The following REPS1 variants were observed in gnomAD, a reference collection of about 807,000 sequenced individuals.
REPS1 encodes ralBP1-associated Eps domain-containing protein 1.
In REPS1, 39 loss-of-function variants were observed where a neutral mutation model predicts 100.9. The ratio of observed to expected loss-of-function variants is 0.39; its 90% confidence interval spans 0.30 to 0.50. REPS1 has a LOEUF of 0.50. Ranked by LOEUF, REPS1 falls within the 20% of genes least tolerant of loss-of-function variation. The probability of loss-of-function intolerance (pLI) is 0.86; values close to 1 mark genes in which losing one functional copy is unlikely to be tolerated. For synonymous variants in REPS1, 324 were observed against 340.3 expected, an observed-to-expected ratio of 0.95 and a Z score of 0.53; for missense variants, 821 against 968.5, an observed-to-expected ratio of 0.85 and a Z score of 2.02.
At chr6:138,914,966 C>G in intron 14 of REPS1, 1 of 546,592 alleles carries the variant, frequency 1.8e-6, no homozygotes, top group South Asian at 2.4e-5. Flanking sequence ...CACTTTGCTT[C>G]TTACCTCTAT....
intron 9 of REPS1, 198 bp downstream of exon 9, chr6:138,929,779 G>A (rs1374519412): frequency 2.2e-6 from 1 of 447,514 alleles, no homozygotes; most frequent in Non-Finnish European, 3.9e-6. Flanking sequence ...GGGATAAGTG[G>A]TGGAAATCAA....
At chr6:138,956,498 T>C (rs1318122842) in intron 1 of REPS1, among the ~76,000 whole-genome samples, 1 of 151,734 alleles carries the variant, frequency 6.6e-6, no homozygotes, top group Non-Finnish European at 1.5e-5. Context: ...CTGGATGGCA[T>C]ACCTAAAAGA....
At position 138,987,856 on chromosome 6, in the gene REPS1, G is replaced by A. The variant is rs967784991; in HGVS notation, c.-174C>T. The A allele has an allele frequency of 4.4e-6, 3 of 675,898 alleles. No homozygotes were observed. Among genetic ancestry groups the A allele is most frequent in the East Asian group, 3.5e-5 (1 of 28,696 alleles). The allele number at this position is 675,898 out of a possible 1,614,324, so 41.9% of individuals were successfully genotyped here. On this transcript the variant is annotated 5_prime_UTR_variant, in exon 1 of 20. Coordinates refer to ENST00000450536, the MANE Select transcript of REPS1 (RefSeq NM_001286611.2). The stretch of plus-strand genomic sequence containing the variant: ...CCGAGCAACAGGGCCCGGAGGTCGC[G>A]AGGAGGGGGCCCGGCTGCGCTCGCC...
intron 19 of REPS1, 119 bp from the exon 20 acceptor site, chr6:138,905,251 T>C: frequency 1.6e-6 from 1 of 630,460 alleles, no homozygotes; most frequent in Non-Finnish European, 2.8e-6. Flanking sequence ...AGGGAGAGCT[T>C]ATTCATATTT....
At chr6:138,965,861 CTTGA>C (rs1783988803) in intron 1 of REPS1, among the ~76,000 whole-genome samples, 1 of 152,136 alleles carries the variant, frequency 6.6e-6, no homozygotes, top group Non-Finnish European at 1.5e-5. Flanking sequence ...TACATTGAAA[CTTGA>C]TTATTCCAGA....
Position 138,988,100 on chromosome 6 carries a change from A to G in REPS1, c.-418T>C. The G allele has an allele frequency of 2.5e-6, 1 of 397,866 alleles. No homozygotes were observed. Among genetic ancestry groups the G allele is most frequent in the Non-Finnish European group, 4.4e-6 (1 of 225,626 alleles). 24.6% of individuals were successfully genotyped at this position (397,866 alleles called of 1,614,324 possible). A position where few individuals can be genotyped will look rare whatever the true frequency, so the allele number is the denominator to read the frequency against. On this transcript the variant is annotated 5_prime_UTR_variant, in exon 1 of 20. Coordinates refer to ENST00000450536, the MANE Select transcript of REPS1 (RefSeq NM_001286611.2). ...CCCGCCTCGGCTTCCCCTTCCGTCC[A>G]CGCCTCCGGAGCGGCAGCGCTTCCC...
chr6:138,916,220 T>A, intron 13 of REPS1: 1 of 96,322 alleles, frequency 1.0e-5, no homozygotes, highest in Non-Finnish European at 1.9e-5. Context: ...CTTTTTTTCT[T>A]TTTTTTTTTT....
chr6:138,964,168 A>G (rs1158851541), intron 1 of REPS1, among the ~76,000 whole-genome samples: 1 of 151,874 alleles, frequency 6.6e-6, no homozygotes. Flanking sequence ...CCTACCTGCC[A>G]TGATTTTATC....
chr6:138,977,688 T>C (rs1784674547), intron 1 of REPS1, among the ~76,000 whole-genome samples: 1 of 152,258 alleles, frequency 6.6e-6, no homozygotes, highest in Non-Finnish European at 1.5e-5. Context: ...TTTTGACTAT[T>C]GTGAATAATG....
chr6:138,953,738 T>C (rs9399262), intron 1 of REPS1, among the ~76,000 whole-genome samples: 28,018 of 151,714 alleles, frequency 0.18, 2,784 homozygotes, highest in East Asian at 0.33. Context: ...TCATATACTT[T>C]TGGTGGGAAT....
intron 2 of REPS1, 118 bp from the exon 3 acceptor site, chr6:138,945,815 G>A: frequency 1.3e-6 from 1 of 793,454 alleles, no homozygotes. Flanking sequence ...GAAACAAGAG[G>A]CACAAAATGT....
intron 1 of REPS1, among the ~76,000 whole-genome samples, chr6:138,977,515 A>T (rs1784662878): frequency 6.6e-6 from 1 of 152,122 alleles, no homozygotes; most frequent in African/African-American, 2.4e-5. Flanking sequence ...TTATTTATTA[A>T]TTTTTTGGGA....
At chr6:138,917,850 A>G (rs1358842320) in intron 12 of REPS1, among the ~76,000 whole-genome samples, 1 of 152,244 alleles carries the variant, frequency 6.6e-6, no homozygotes. Context: ...TCTAGAAAAA[A>G]TAATGAATAC....
intron 16 of REPS1, among the ~76,000 whole-genome samples, chr6:138,912,392 A>C (rs1780069523): frequency 6.6e-6 from 1 of 152,240 alleles, no homozygotes; most frequent in Non-Finnish European, 1.5e-5. Flanking sequence ...ACATATAGTG[A>C]AATTCCCCTT....
intron 10 of REPS1, among the ~76,000 whole-genome samples, chr6:138,925,750 A>T (rs547372160): frequency 2.6e-5 from 4 of 152,338 alleles, no homozygotes; most frequent in African/African-American, 9.6e-5. Flanking sequence ...GGTTTTCAAA[A>T]AACCCAAGGG....
At chr6:138,911,702 T>G in intron 16 of REPS1, among the ~76,000 whole-genome samples, 1 of 144,572 alleles carries the variant, frequency 6.9e-6, no homozygotes, top group South Asian at 2.2e-4. Flanking sequence ...GTAATAGATG[T>G]GTGAGGGAGA....
intron 1 of REPS1, among the ~76,000 whole-genome samples, chr6:138,977,610 T>A (rs1784669639): frequency 6.6e-6 from 1 of 152,226 alleles, no homozygotes; most frequent in East Asian, 1.9e-4. Context: ...TCTTTTTTAT[T>A]GCAGAATAGT....
chr6:138,964,480 T>TA (rs1783906726), intron 1 of REPS1, among the ~76,000 whole-genome samples: 1 of 152,146 alleles, frequency 6.6e-6, no homozygotes, highest in Admixed American at 6.5e-5. Context: ...CTGGAGCCCT[T>TA]ACTGTATATT....
At chr6:138,938,560 T>C (rs1317468711) in intron 8 of REPS1, among the ~76,000 whole-genome samples, 3 of 152,200 alleles carry the variant, frequency 2.0e-5, no homozygotes, top group South Asian at 4.1e-4. Flanking sequence ...CCTGGCAAAG[T>C]TGTATGTTTT....
Sources: allele counts gnomAD v4.1 joint callset (sites outside exome capture counted in the v4.1 genomes callset), GRCh38; gene constraint gnomAD v4.1.1; transcripts MANE v1.5; gene names NCBI Gene and HGNC (gene_info 2026-07-23, HGNC 2026-07-21).